Variants in LAMTOR1 observed in about 807,000 individuals in gnomAD.
LAMTOR1 encodes the protein late endosomal/lysosomal adaptor, MAPK and MTOR activator 1.
Under a neutral mutation model 20.5 loss-of-function variants are expected in LAMTOR1, and 8 were observed. The ratio of observed to expected loss-of-function variants is 0.39; its 90% confidence interval spans 0.23 to 0.70. The LOEUF is 0.70. Among genes scored for constraint, LAMTOR1 ranks in the 30% least tolerant of loss-of-function variants. LAMTOR1 has a pLI of 0.43. For missense variants in LAMTOR1, 135 were observed against 206.2 expected (o/e 0.65, Z 2.11); for synonymous variants, 77 against 80.9 (o/e 0.95, Z 0.26).
At chr11:72,098,093 A>G (rs1945294519) in intron 4 of LAMTOR1, 179 bp from the exon 5 acceptor site, 1 of 1,018,912 alleles carries the variant, frequency 9.8e-7, no homozygotes, top group African/African-American at 1.6e-5. Flanking sequence ...GGAGTGAAAC[A>G]ATAAAGGTTG....
intron 1 of LAMTOR1, among the ~76,000 whole-genome samples, chr11:72,102,106 T>A (rs1945464101): frequency 6.6e-6 from 1 of 152,244 alleles, no homozygotes; most frequent in South Asian, 2.1e-4. Context: ...GACATTTTCC[T>A]AGGCTTAAGC....
chr11:72,103,099 G>C, intron 1 of LAMTOR1, 84 bp downstream of exon 1: 3 of 1,505,776 alleles, frequency 2.0e-6, no homozygotes, highest in South Asian at 2.4e-5. Context: ...CAGTCCGGCT[G>C]CCCGTCCTCC....
intron 1 of LAMTOR1, among the ~76,000 whole-genome samples, chr11:72,100,089 C>T (rs971224785): frequency 4.0e-5 from 6 of 151,760 alleles, no homozygotes; most frequent in Non-Finnish European, 7.4e-5. Flanking sequence ...AAAGCAAGAC[C>T]TCGTCTTTGC....
rs1945339146 is a variant in LAMTOR1, at chr11:72,098,975, G to A, written c.189-117C>T. On this transcript the variant is annotated intron_variant, in intron 2 of 4. Coordinates refer to ENST00000278671, the MANE Select transcript of LAMTOR1 (RefSeq NM_017907.3). The stretch of plus-strand genomic sequence containing the variant: ...ACACCAGTTTCCCTCCTGCCTACTG[G>A]AGCAGGGCTGGACATGGAGGCACCT... The A allele has an allele frequency of 2.9e-6, 4 of 1,382,804 alleles. No individual in the cohort carries two copies. The East Asian group carries it at 9.6e-5, about 33-fold the overall frequency. 85.7% of individuals were successfully genotyped at this position (1,382,804 alleles called of 1,614,324 possible).
Position 72,103,089 on chromosome 11 carries a change from C to A in LAMTOR1, c.42+94G>T, listed in dbSNP as rs533497137. 24 of 1,461,472 alleles carry A rather than the reference C, an allele frequency of 1.6e-5. No homozygotes were observed. In the African/African-American group the frequency reaches 3.2e-4, roughly 20 times the overall value. 90.5% of individuals were successfully genotyped at this position (1,461,472 alleles called of 1,614,324 possible). On this transcript the variant is annotated intron_variant, in intron 1 of 4. Transcript: ENST00000278671. ...AGGCCTCCGTATTCAGTGAGCCCTG[C>A]AGTCCGGCTGCCCGTCCTCCGCAGG...
intron 3 of LAMTOR1, 25 bp from the exon 4 acceptor site, chr11:72,098,440 G>C: frequency 6.2e-7 from 1 of 1,600,968 alleles, no homozygotes; most frequent in Non-Finnish European, 8.5e-7. Context: ...GGGGGTGGGG[G>C]TAGGCAGTTA....
chr11:72,098,422 A>ACGGTCC lies in LAMTOR1; in HGVS notation c.267-8_267-7insGGACCG. The ACGGTCC allele has an allele frequency of 1.2e-6, 2 of 1,606,958 alleles. No individual in the cohort carries two copies. The highest frequency in any genetic ancestry group is 1.7e-6 in the Non-Finnish European group (2 of 1,177,316). ...CAGCACAGCCAAGCGGGTGCTGACC[A>ACGGTCC]AGAGAGAGGGGGTGGGGGTAGGCAG... On this transcript the variant is annotated splice_polypyrimidine_tract_variant and splice_region_variant and intron_variant, in intron 3 of 4. Transcript: ENST00000278671.
chr11:72,098,510 G>A (rs1172805921), intron 3 of LAMTOR1, 95 bp from the exon 4 acceptor site: 4 of 1,441,056 alleles, frequency 2.8e-6, no homozygotes, highest in Admixed American at 2.2e-5. Context: ...AGAGAAGCAG[G>A]GTGTCGAGGA....
At chr11:72,101,411 C>T (rs1945433942) in intron 1 of LAMTOR1, among the ~76,000 whole-genome samples, 1 of 152,220 alleles carries the variant, frequency 6.6e-6, no homozygotes, top group Non-Finnish European at 1.5e-5. Flanking sequence ...AGCTTGGCCC[C>T]ATGGATAAAG....
At chr11:72,101,743 T>C (rs1228113081) in intron 1 of LAMTOR1, among the ~76,000 whole-genome samples, 2 of 152,096 alleles carry the variant, frequency 1.3e-5, no homozygotes, top group Admixed American at 1.3e-4. Flanking sequence ...TTAAGCACCT[T>C]CTCTGGGTGT....
intron 1 of LAMTOR1, among the ~76,000 whole-genome samples, chr11:72,101,983 G>T (rs974395239): frequency 3.9e-5 from 6 of 152,194 alleles, no homozygotes; most frequent in Non-Finnish European, 8.8e-5. Context: ...AGGTGGAAGT[G>T]AAGTGAGAGG....
Position 72,099,189 on chromosome 11 carries a change from T to C in LAMTOR1, c.110A>G (p.Glu37Gly). Residue 37 changes from glutamate (E) to glycine (G), a missense_variant, in exon 2 of 5, where the codon GAG (glutamate) becomes GGG (glycine). Glu to Gly is a moderately conservative substitution (Grantham distance 98, BLOSUM62 -2). Transcript: ENST00000278671. ...GGAAGGCAGGCTGTGGTAGTTGGGC[T>C]CGGCTCCATTGAGAGCTTTGGTAGG... ...SPPTKALNGAEPNYHSLPSAR... is the reference protein window; with the variant it reads ...SPPTKALNGAGPNYHSLPSAR... 1 of 1,612,896 alleles carries C rather than the reference T, an allele frequency of 6.2e-7. No homozygotes were observed. Among genetic ancestry groups the C allele is most frequent in the East Asian group, 2.2e-5 (1 of 44,846 alleles).
In LAMTOR1 at chr11:72,099,127, G is replaced by A; in HGVS notation, c.172C>T (p.Leu58Phe). The change falls in exon 2 of 5, where the codon CTT becomes TTT. Residue 58 changes from leucine (L) to phenylalanine (F), a missense_variant. By Grantham distance (22) the Leu-to-Phe change is conservative (BLOSUM62 0). Transcript: ENST00000278671. Reference sequence around the variant, plus strand: ...GACACTTACCTGGCTGTCTTGGCAAGGATGGAAGAGAGCAGGGCCTGCTCA... The same window carrying A: ...GACACTTACCTGGCTGTCTTGGCAAAGATGGAAGAGAGCAGGGCCTGCTCA... ...TDEQALLSSILAKTASNIIDV... is the reference protein window; with the variant it reads ...TDEQALLSSIFAKTASNIIDV... 6.2e-7 allele frequency: 1 copy of A among 1,613,988 alleles called. No individual in the cohort carries two copies. The highest frequency in any genetic ancestry group is 8.5e-7 in the Non-Finnish European group (1 of 1,180,006).
In LAMTOR1 at chr11:72,097,747, G is replaced by A. The variant is rs1945278065; in HGVS notation, c.*75C>T. The A allele has an allele frequency of 1.9e-6, 3 of 1,612,176 alleles. No individual in the cohort carries two copies. The highest frequency in any genetic ancestry group is 1.1e-5 in the South Asian group (1 of 91,006). On this transcript the variant is annotated 3_prime_UTR_variant, in exon 5 of 5. Coordinates refer to ENST00000278671, the MANE Select transcript of LAMTOR1 (RefSeq NM_017907.3). ...AGGTTAGGGTACTGTATAAGCCGCA[G>A]TGAGGCTGGGGGCCAAGGGGGTGGG...
chr11:72,102,384 G>A (rs1314656428), intron 1 of LAMTOR1, among the ~76,000 whole-genome samples: 1 of 152,144 alleles, frequency 6.6e-6, no homozygotes, highest in Non-Finnish European at 1.5e-5. Context: ...GCACTAAGAG[G>A]AAGAGGGAGA....
At chr11:72,102,133 G>A (rs1208095732) in intron 1 of LAMTOR1, among the ~76,000 whole-genome samples, 1 of 152,168 alleles carries the variant, frequency 6.6e-6, no homozygotes, top group Non-Finnish European at 1.5e-5. Context: ...TCCAAAATAC[G>A]TTCACTGAAG....
chr11:72,099,089 G>A (rs752608131), intron 2 of LAMTOR1, 22 bp downstream of exon 2: 3 of 1,610,254 alleles, frequency 1.9e-6, no homozygotes, highest in Non-Finnish European at 1.7e-6. Context: ...CTCTGACCCA[G>A]GCCTGGTCCT....
At chr11:72,099,084 A>C (rs765306678) in intron 2 of LAMTOR1, 27 bp downstream of exon 2, 3 of 1,610,168 alleles carry the variant, frequency 1.9e-6, no homozygotes, top group Non-Finnish European at 2.5e-6. Context: ...AGGAGCTCTG[A>C]CCCAGGCCTG....
At position 72,103,264 on chromosome 11, in the gene LAMTOR1, G is replaced by GGACGGCGTCCGTGAGGAGC; in HGVS notation, c.-59_-41dup. On this transcript the variant is annotated 5_prime_UTR_variant, in exon 1 of 5. Coordinates refer to ENST00000278671, the MANE Select transcript of LAMTOR1 (RefSeq NM_017907.3). ...CGGGCGCTCAGGCCGCGCCGAGGAG[G>GGACGGCGTCCGTGAGGAGC]GACGGCGTCCGTGAGGAGCCCTTCC... 6.5e-7 allele frequency: 1 copy of GGACGGCGTCCGTGAGGAGC among 1,548,112 alleles called. No individual in the cohort carries two copies. The highest frequency in any genetic ancestry group is 8.7e-7 in the Non-Finnish European group (1 of 1,145,896).
Sources: gnomAD v4.1 joint callset for allele counts (sites outside exome capture counted in the v4.1 genomes callset) on GRCh38, gnomAD v4.1.1 for gene constraint, MANE v1.5 for transcripts, NCBI Gene and HGNC (gene_info 2026-07-23, HGNC 2026-07-21) for gene names.